The following ADAMTS12 variants were observed in gnomAD, a reference collection of about 807,000 sequenced individuals.
The protein encoded by ADAMTS12 is A disintegrin and metalloproteinase with thrombospondin motifs 12.
Under a neutral mutation model 167.8 loss-of-function variants are expected in ADAMTS12, and 118 were observed. That is an observed-to-expected ratio of 0.70 (90% CI 0.61 to 0.82). The LOEUF (loss-of-function observed/expected upper bound fraction) is 0.82. Among genes scored for constraint, ADAMTS12 ranks in the 40% least tolerant of loss-of-function variants. The pLI is 0.00. For missense variants in ADAMTS12, 1,916 were observed against 1,998.8 expected (o/e 0.96, Z 0.79); for synonymous variants, 704 against 716.9 (o/e 0.98, Z 0.29).
intron 3 of ADAMTS12, among the ~76,000 whole-genome samples, chr5:33,740,852 A>T (rs1342463412): frequency 6.6e-6 from 1 of 152,184 alleles, no homozygotes; most frequent in Non-Finnish European, 1.5e-5. Flanking sequence ...AGAAGGCAGG[A>T]TGTTGGCGAG....
chr5:33,687,121 A>T (rs1742364019), intron 3 of ADAMTS12, among the ~76,000 whole-genome samples: 1 of 151,728 alleles, frequency 6.6e-6, no homozygotes, highest in African/African-American at 2.4e-5. Context: ...TTAAAGTCCA[A>T]GTTACTTTCA....
intron 19 of ADAMTS12, among the ~76,000 whole-genome samples, chr5:33,564,881 A>G (rs1745934980): frequency 6.6e-6 from 1 of 152,216 alleles, no homozygotes; most frequent in Admixed American, 6.5e-5. Context: ...CTAACAGAGG[A>G]CATAAAGAGG....
chr5:33,552,782 T>C (rs1324343212), intron 20 of ADAMTS12, among the ~76,000 whole-genome samples: 1 of 152,224 alleles, frequency 6.6e-6, no homozygotes, highest in South Asian at 2.1e-4. Context: ...CCCTGTAGTA[T>C]ACTTTGAAGT....
chr5:33,649,277 C>G (rs977038911), intron 8 of ADAMTS12, among the ~76,000 whole-genome samples: 11 of 152,198 alleles, frequency 7.2e-5, no homozygotes, highest in African/African-American at 2.4e-4. Flanking sequence ...TTCCCAAGGA[C>G]TTAATTCATA....
chr5:33,773,266 G>A (rs1054841899), intron 2 of ADAMTS12, among the ~76,000 whole-genome samples: 5 of 152,174 alleles, frequency 3.3e-5, no homozygotes, highest in African/African-American at 1.2e-4. Context: ...CTTAGGCCAT[G>A]TTCTTGATAT....
chr5:33,583,550 G>A (rs562634718), intron 18 of ADAMTS12, among the ~76,000 whole-genome samples: 1 of 152,184 alleles, frequency 6.6e-6, no homozygotes, highest in South Asian at 2.1e-4. Context: ...TAACTTTTAC[G>A]TTTTTGAGGA....
intron 19 of ADAMTS12, 109 bp from the exon 20 acceptor site, chr5:33,561,288 C>G (rs912056606): frequency 7.3e-7 from 1 of 1,365,792 alleles, no homozygotes; most frequent in Non-Finnish European, 9.8e-7. Context: ...TAACATTGCC[C>G]ACAGAGCTTT....
rs184000898 is a variant in ADAMTS12, at chr5:33,738,813, G to A, written c.634+12591C>T. Among the ~76,000 whole-genome samples the A allele has an allele frequency of 7.2e-5, 11 of 152,376 alleles. No homozygotes were observed. The East Asian group carries it at 1.9e-3, about 27-fold the overall frequency. The stretch of plus-strand genomic sequence containing the variant: ...GCCAGTGTTCTGGAGGAGCTGGCAC[G>A]AAGGCTGGTTTCCCGTGCAATGTCT... On this transcript the variant is annotated intron_variant, in intron 3 of 23. Coordinates refer to ENST00000504830, the MANE Select transcript of ADAMTS12 (RefSeq NM_030955.4).
chr5:33,536,954 T>C (rs777412213), intron 22 of ADAMTS12, among the ~76,000 whole-genome samples: 1 of 152,230 alleles, frequency 6.6e-6, no homozygotes, highest in Non-Finnish European at 1.5e-5. Flanking sequence ...GAGATATTTA[T>C]AAAGAGCCTA....
In ADAMTS12 at chr5:33,534,894, A is replaced by G; in HGVS notation, c.4545T>C (p.Asp1515=). The change falls in exon 23 of 24, where the codon GAT becomes GAC. Residue 1515 remains aspartate, a synonymous_variant. Coordinates refer to ENST00000504830, the MANE Select transcript of ADAMTS12 (RefSeq NM_030955.4). ...TGAATTCTGGAGGTCTGGGTTTGTGATCACATAGACATTGGTCTTGGTCTT... is the reference window on the plus strand; with the variant it reads ...TGAATTCTGGAGGTCTGGGTTTGTGGTCACATAGACATTGGTCTTGGTCTT... The part of the protein sequence containing the change: ...KTEDQDQCLC[D]HKPRPPEFKK... 1 of 1,614,082 alleles carries G rather than the reference A, an allele frequency of 6.2e-7. No individual in the cohort carries two copies. Among genetic ancestry groups the G allele is most frequent in the South Asian group, 1.1e-5 (1 of 91,072 alleles).
intron 2 of ADAMTS12, among the ~76,000 whole-genome samples, chr5:33,867,312 A>T (rs1321996778): frequency 1.3e-5 from 2 of 152,206 alleles, no homozygotes; most frequent in Non-Finnish European, 2.9e-5. Context: ...TTTTGCAGAA[A>T]CTTGGATGGA....
intron 2 of ADAMTS12, among the ~76,000 whole-genome samples, chr5:33,873,695 T>G (rs1314151668): frequency 6.6e-6 from 1 of 152,144 alleles, no homozygotes. Flanking sequence ...CATGTGATAT[T>G]AGTGAAAGAA....
chr5:33,866,420 A>G (rs987912442), intron 2 of ADAMTS12, among the ~76,000 whole-genome samples: 13 of 152,140 alleles, frequency 8.5e-5, no homozygotes, highest in Non-Finnish European at 1.6e-4. Flanking sequence ...CTGGATCCCC[A>G]TCTCTCACCT....
intron 2 of ADAMTS12, among the ~76,000 whole-genome samples, chr5:33,811,062 C>A (rs1481265760): frequency 6.6e-6 from 1 of 152,166 alleles, no homozygotes; most frequent in Non-Finnish European, 1.5e-5. Flanking sequence ...AAATATAAGT[C>A]TTGGCCCTGC....
chr5:33,704,894 C>G (rs1946262), intron 3 of ADAMTS12, among the ~76,000 whole-genome samples: 36,863 of 151,746 alleles, frequency 0.24, 4,911 homozygotes, highest in East Asian at 0.59. Flanking sequence ...GTTTTATAAG[C>G]AAGAAATCAT....
chr5:33,534,914 G>T lies in ADAMTS12; in HGVS notation c.4525C>A (p.Gln1509Lys), dbSNP rs752274369. The T allele has an allele frequency of 2.5e-6, 4 of 1,613,902 alleles. No individual in the cohort carries two copies. The East Asian group carries it at 8.9e-5, about 36-fold the overall frequency. ...TTGTGATCACATAGACATTGGTCTTGGTCTTCAGTTTTATTGCCCTCTGAG... is the reference window on the plus strand; with the variant it reads ...TTGTGATCACATAGACATTGGTCTTTGTCTTCAGTTTTATTGCCCTCTGAG... ...VPSEGNKTED[Q>K]DQCLCDHKPR... Residue 1509 changes from glutamine to lysine, a missense_variant, in exon 23 of 24, where the codon CAA becomes AAA. Gln to Lys is a moderately conservative substitution (Grantham distance 53, BLOSUM62 1). Transcript: ENST00000504830.
At chr5:33,582,572 C>T (rs577155955) in intron 18 of ADAMTS12, among the ~76,000 whole-genome samples, 49 of 152,318 alleles carry the variant, frequency 3.2e-4, no homozygotes, top group African/African-American at 1.0e-3. Context: ...CATCGGCATT[C>T]GGTCTATTTG....
intron 2 of ADAMTS12, among the ~76,000 whole-genome samples, chr5:33,855,011 G>C (rs546484856): frequency 6.6e-6 from 1 of 152,172 alleles, no homozygotes; most frequent in Non-Finnish European, 1.5e-5. Context: ...ACAAAGTTCC[G>C]GATCAGGAAA....
rs903959643 is a variant in ADAMTS12 at position 33,667,885 on chromosome 5, A to G, written c.916-5845T>C. On this transcript the variant is annotated intron_variant, in intron 5 of 23. Coordinates refer to ENST00000504830, the MANE Select transcript of ADAMTS12 (RefSeq NM_030955.4). ...CTCAAAAGCAACAGTTTTGGAAATC[A>G]TTAAGATTCCAGAGCACCTTTGAAA... 2.6e-5 allele frequency among the ~76,000 whole-genome samples: 4 copies of G among 152,326 alleles called. No homozygotes were observed. The East Asian group carries it at 7.7e-4, about 29-fold the overall frequency.
Sources: gnomAD v4.1 joint callset for allele counts (sites outside exome capture counted in the v4.1 genomes callset) on GRCh38, gnomAD v4.1.1 for gene constraint, MANE v1.5 for transcripts, NCBI Gene and HGNC (gene_info 2026-07-23, HGNC 2026-07-21) for gene names.